DRC8: variants seen among roughly 807,000 people sequenced by gnomAD.
DRC8 encodes the protein dynein regulatory complex subunit 8.
the DRC8 span, among the ~76,000 whole-genome samples, chr1:245,018,435 G>A: frequency 6.6e-6 from 1 of 152,234 alleles, no homozygotes; most frequent in East Asian, 1.9e-4. Flanking sequence ...ATACAGCTCC[G>A]GTGGCTGTGG....
chr1:245,048,361 C>T, the DRC8 span, among the ~76,000 whole-genome samples: 1 of 152,158 alleles, frequency 6.6e-6, no homozygotes, highest in South Asian at 2.1e-4. Context: ...ATTAAGACAT[C>T]CTTCATAACC....
the DRC8 span, among the ~76,000 whole-genome samples, chr1:244,996,514 G>A: frequency 1.3e-5 from 2 of 152,116 alleles, no homozygotes; most frequent in African/African-American, 4.8e-5. Context: ...GAAGAATTTC[G>A]TAGCCTACTG....
the DRC8 span, among the ~76,000 whole-genome samples, chr1:245,074,349 C>G: frequency 6.6e-6 from 1 of 152,192 alleles, no homozygotes; most frequent in South Asian, 2.1e-4. Flanking sequence ...ATCACCATCT[C>G]TATCAAATAC....
At chr1:245,023,604 C>T in the DRC8 span, among the ~76,000 whole-genome samples, 1 of 152,170 alleles carries the variant, frequency 6.6e-6, no homozygotes, top group Non-Finnish European at 1.5e-5. Context: ...AACCATCCTA[C>T]TGGGTGTGAA....
At chr1:244,985,392 G>A in the DRC8 span, among the ~76,000 whole-genome samples, 2 of 152,224 alleles carry the variant, frequency 1.3e-5, no homozygotes, top group South Asian at 4.1e-4. Context: ...GCATAGCAGA[G>A]CCTGTCCCAT....
At chr1:245,037,973 A>G in the DRC8 span, among the ~76,000 whole-genome samples, 1 of 152,170 alleles carries the variant, frequency 6.6e-6, no homozygotes, top group Non-Finnish European at 1.5e-5. Flanking sequence ...CTTGAAATAT[A>G]TAAAAATAGA....
At chr1:245,098,918 G>A in the DRC8 span, among the ~76,000 whole-genome samples, 1 of 152,232 alleles carries the variant, frequency 6.6e-6, no homozygotes, top group Non-Finnish European at 1.5e-5. Context: ...GTGCCTAAAG[G>A]TAACTGCAGA....
the DRC8 span, among the ~76,000 whole-genome samples, chr1:245,107,525 T>C: frequency 1.3e-5 from 2 of 152,186 alleles, no homozygotes; most frequent in African/African-American, 4.8e-5. Context: ...ACAGACCAAC[T>C]GGCATCTAAG....
chr1:245,109,716 G>A, the DRC8 span, among the ~76,000 whole-genome samples: 5 of 152,230 alleles, frequency 3.3e-5, no homozygotes, highest in South Asian at 2.1e-4. Context: ...ATCACAGCTC[G>A]GAGAGGTTAT....
At chr1:244,969,904 G>A in the DRC8 span, 1 of 455,542 alleles carries the variant, frequency 2.2e-6, no homozygotes, top group African/African-American at 2.1e-5. Context: ...GGGAGGAGGA[G>A]GCCGGGCCGC....
the DRC8 span, among the ~76,000 whole-genome samples, chr1:245,093,335 A>G: frequency 6.6e-6 from 1 of 152,150 alleles, no homozygotes; most frequent in Non-Finnish European, 1.5e-5. Flanking sequence ...TTAGAGCAGC[A>G]GGAATTATTT....
At chr1:245,040,356 C>T in the DRC8 span, among the ~76,000 whole-genome samples, 1 of 152,132 alleles carries the variant, frequency 6.6e-6, no homozygotes, top group African/African-American at 2.4e-5. Context: ...GTCTTTTTCT[C>T]TGCCACTACT....
the DRC8 span, among the ~76,000 whole-genome samples, chr1:244,987,787 T>C: frequency 2.6e-5 from 4 of 152,160 alleles, no homozygotes; most frequent in Non-Finnish European, 5.9e-5. Flanking sequence ...ACAGTTCCCA[T>C]GGTAAGTATT....
At chr1:245,000,483 T>G in the DRC8 span, among the ~76,000 whole-genome samples, 1 of 152,270 alleles carries the variant, frequency 6.6e-6, no homozygotes, top group East Asian at 1.9e-4. Flanking sequence ...GATTTTCTAT[T>G]AGAATGTGTC....
chr1:245,084,067 C>T, the DRC8 span, among the ~76,000 whole-genome samples: 3 of 118,124 alleles, frequency 2.5e-5, 1 homozygote, highest in African/African-American at 9.4e-5. Context: ...ATTCCGCCCC[C>T]CCCCCGGCGC....
At chr1:245,085,369 T>A in the DRC8 span, among the ~76,000 whole-genome samples, 1 of 152,152 alleles carries the variant, frequency 6.6e-6, no homozygotes, top group African/African-American at 2.4e-5. Flanking sequence ...CTGTCACACA[T>A]GGTAGATATC....
chr1:245,101,389 T>C, the DRC8 span, among the ~76,000 whole-genome samples: 2 of 152,206 alleles, frequency 1.3e-5, no homozygotes, highest in African/African-American at 4.8e-5. Context: ...CAATTGGATC[T>C]AGAGCAAATT....
the DRC8 span, chr1:244,969,798 G>C: frequency 6.5e-6 from 2 of 309,464 alleles, no homozygotes; most frequent in Admixed American, 1.1e-4. Flanking sequence ...GGGAAAGGAC[G>C]GTGAAGACTG....
At chr1:244,990,600 T>G in the DRC8 span, among the ~76,000 whole-genome samples, 6 of 152,172 alleles carry the variant, frequency 3.9e-5, no homozygotes, top group Non-Finnish European at 8.8e-5. Context: ...TGGAAGCTCT[T>G]TTCGCTGGCT....
Sources: gnomAD v4.1 joint callset for allele counts (sites outside exome capture counted in the v4.1 genomes callset) on GRCh38, gnomAD v4.1.1 for gene constraint, MANE v1.5 for transcripts, NCBI Gene and HGNC (gene_info 2026-07-23, HGNC 2026-07-21) for gene names.